Variants in UGT2B17 observed in about 807,000 individuals in gnomAD.
The protein encoded by UGT2B17 is UDP-glucuronosyltransferase 2B17.
Under a neutral mutation model 48.2 loss-of-function variants are expected in UGT2B17, and 21 were observed. The ratio of observed to expected loss-of-function variants is 0.44; its 90% CI spans 0.31 to 0.63. UGT2B17 has a LOEUF of 0.63. Ranked by LOEUF, UGT2B17 falls within the 20% of genes least tolerant of loss-of-function variation. The probability of loss-of-function intolerance (pLI) is 0.08; values close to 1 mark genes in which losing one functional copy is unlikely to be tolerated. For missense variants in UGT2B17, 402 were observed against 696.1 expected (o/e 0.58, Z 4.75); for synonymous variants, 146 against 238.4 (o/e 0.61, Z 3.57).
chr4:68,537,578 G>T lies in UGT2B17; in HGVS notation c.*47C>A. On this transcript the variant is annotated 3_prime_UTR_variant, in exon 7 of 7. Transcript: ENST00000317746. ...TTAAAACCCTCCATGCTGGAATAAA[G>T]GAGGAGTCCCATCTTTTGGTCATTC... is the stretch of plus-strand genomic sequence containing the variant. The T allele has an allele frequency of 7.8e-7, 1 of 1,279,826 alleles. No homozygotes were observed. Among genetic ancestry groups the T allele is most frequent in the Non-Finnish European group, 1.0e-6 (1 of 996,052 alleles). 79.3% of individuals were successfully genotyped at this position (1,279,826 alleles called of 1,614,324 possible).
rs1309191735 is a variant in UGT2B17, at chr4:68,572,114, G to A, written c.-64-3566C>T. 1.6e-5 allele frequency among the ~76,000 whole-genome samples: 2 copies of A among 125,742 alleles called. 1 individual carries two copies. The highest frequency in any genetic ancestry group is 3.4e-5 in the Non-Finnish European group (2 of 59,462). The allele number at this position is 125,742 out of a possible 152,430, so 82.5% of individuals were successfully genotyped here. Reference sequence around the variant, plus strand: ...AAGTAGTCTGAATGACACGAGACCAGTATTGACACATCTCACATAAATATG... The same window carrying A: ...AAGTAGTCTGAATGACACGAGACCAATATTGACACATCTCACATAAATATG... On this transcript the variant is annotated intron_variant, in intron 1 of 6. Transcript: ENST00000317746.
rs1329575925 is a variant in UGT2B17 at position 68,548,075 on chromosome 4, G to T, written c.1313+2602C>A. 2.4e-5 allele frequency among the ~76,000 whole-genome samples: 3 copies of T among 126,786 alleles called. 1 individual carries two copies. Among genetic ancestry groups the T allele is most frequent in the African/African-American group, 5.4e-5 (2 of 37,110 alleles). 83.2% of individuals were successfully genotyped at this position (126,786 alleles called of 152,430 possible). A position where few individuals can be genotyped will look rare whatever the true frequency, so the allele number is the denominator to read the frequency against. ...ATTTATCTAGCATTCCCATTACTGG[G>T]TATATACCCAAAGGGTTATAAATCA... On this transcript the variant is annotated intron_variant, in intron 6 of 6. Transcript: ENST00000317746.
At position 68,537,638 on chromosome 4, in the gene UGT2B17, T is replaced by G; in HGVS notation, c.1580A>C (p.Lys527Thr). 2 of 1,372,370 alleles carry G rather than the reference T, an allele frequency of 1.5e-6. 1 individual carries two copies. The highest frequency in any genetic ancestry group is 1.9e-6 in the Non-Finnish European group (2 of 1,050,554). The allele number at this position is 1,372,370 out of a possible 1,614,324, so 85.0% of individuals were successfully genotyped here. The change falls in exon 7 of 7, where the codon AAG (lysine) becomes ACG (threonine). Residue 527 changes from lysine (K) to threonine (T), a missense_variant. This residue lies in a region of UGT2B17 where 156 missense variants were observed against 258.6 expected (regional missense o/e 0.60). Transcript: ENST00000317746. ...CTTTTGATATAACTAATCCCTTTTC[T>G]TCTTCTTTCCTGTTTTGGCAAGCTT... ...FRKLAKTGKK[K>T]KRD
intron 1 of UGT2B17, among the ~76,000 whole-genome samples, chr4:68,571,199 G>T (rs545399739): frequency 1.6e-5 from 2 of 125,108 alleles, no homozygotes; most frequent in African/African-American, 5.5e-5. Flanking sequence ...TTTTTTCAGG[G>T]GGCTATTTAT....
Position 68,576,223 on chromosome 4 carries a change from G to C in UGT2B17, c.-337C>G, listed in dbSNP as rs1454830531. On this transcript the variant is annotated 5_prime_UTR_variant, in exon 1 of 7. Transcript: ENST00000317746. ...GGTCAGGGAGCCAAGAAATGTAGCA[G>C]GACGAGCCACAGACAAAACCTCTCA... is the stretch of plus-strand genomic sequence containing the variant. Among the ~76,000 whole-genome samples, 57 of 125,824 alleles carry C rather than the reference G, an allele frequency of 4.5e-4. 10 individuals are homozygous for C. Among genetic ancestry groups the C allele is most frequent in the African/African-American group, 1.5e-3 (55 of 36,676 alleles). 82.5% of individuals were successfully genotyped at this position (125,824 alleles called of 152,430 possible).
chr4:68,563,057 A>G (rs1432433396), intron 3 of UGT2B17, among the ~76,000 whole-genome samples: 2 of 127,128 alleles, frequency 1.6e-5, no homozygotes, highest in Non-Finnish European at 3.3e-5. Flanking sequence ...CTAATATTGA[A>G]TCTTACCATC....
chr4:68,562,327 C>G (rs1239949478), intron 3 of UGT2B17, among the ~76,000 whole-genome samples: 1 of 124,828 alleles, frequency 8.0e-6, no homozygotes, highest in African/African-American at 2.7e-5. Flanking sequence ...CTTGGCCAGA[C>G]TGGTCTTGAC....
rs1291751333 is a variant in UGT2B17, at chr4:68,555,654, A to T, written c.1006-3743T>A. Among the ~76,000 whole-genome samples the T allele has an allele frequency of 5.6e-5, 7 of 125,812 alleles. 1 individual carries two copies. The highest frequency in any genetic ancestry group is 1.6e-4 in the African/African-American group (6 of 37,010). 82.5% of individuals were successfully genotyped at this position (125,812 alleles called of 152,430 possible). A position where few individuals can be genotyped will look rare whatever the true frequency, so the allele number is the denominator to read the frequency against. On this transcript the variant is annotated intron_variant, in intron 4 of 6. Coordinates refer to ENST00000317746, the MANE Select transcript of UGT2B17 (RefSeq NM_001077.4). Reference sequence around the variant, plus strand: ...AATATTCTAGGTAAATGACTAAATAATTAGGTAAATGTAATGGGATAAATA... The same window carrying T: ...AATATTCTAGGTAAATGACTAAATATTTAGGTAAATGTAATGGGATAAATA...
chr4:68,567,798 A>T lies in UGT2B17; in HGVS notation c.687T>A (p.Asp229Glu), dbSNP rs764528569. Residue 229 changes from aspartate (D) to glutamate (E), a missense_variant, in exon 2 of 7, where the codon GAT (aspartate) becomes GAA (glutamate). Transcript: ENST00000317746. ...TATAAAACTGGTCCCACTTCTTCAGATCATATGCTTGAAACCAAAAGTCAA... is the reference window on the plus strand; with the variant it reads ...TATAAAACTGGTCCCACTTCTTCAGTTCATATGCTTGAAACCAAAAGTCAA... Reference protein sequence around the residue: ...LYFDFWFQAYDLKKWDQFYSE... With the variant: ...LYFDFWFQAYELKKWDQFYSE... The T allele has an allele frequency of 7.3e-7, 1 of 1,363,652 alleles. No homozygotes were observed. The highest frequency in any genetic ancestry group is 9.5e-7 in the Non-Finnish European group (1 of 1,048,950). 84.5% of individuals were successfully genotyped at this position (1,363,652 alleles called of 1,614,324 possible).
chr4:68,543,576 G>A (rs1243923035), intron 6 of UGT2B17, among the ~76,000 whole-genome samples: 1 of 126,002 alleles, frequency 7.9e-6, no homozygotes, highest in African/African-American at 2.7e-5. Context: ...GAACAAAGCT[G>A]GATGGAGAAT....
intron 3 of UGT2B17, among the ~76,000 whole-genome samples, chr4:68,562,667 G>A (rs1414546982): frequency 7.9e-6 from 1 of 125,978 alleles, no homozygotes; most frequent in Non-Finnish European, 1.7e-5. Context: ...GAAGATCAAT[G>A]TAAGTAGTCT....
rs1358167829 is a variant in UGT2B17 at position 68,563,213 on chromosome 4, A to C, written c.873+2359T>G. On this transcript the variant is annotated intron_variant, in intron 3 of 6. Transcript: ENST00000317746. The stretch of plus-strand genomic sequence containing the variant: ...TCTGAGAATCTAATACATAATGGAA[A>C]AGCAAGCAAATTTGTGGCAACAATT... Among the ~76,000 whole-genome samples the C allele has an allele frequency of 1.6e-5, 2 of 127,550 alleles. 1 individual carries two copies. Among genetic ancestry groups the C allele is most frequent in the African/African-American group, 5.3e-5 (2 of 37,400 alleles). 83.7% of individuals were successfully genotyped at this position (127,550 alleles called of 152,430 possible). A position where few individuals can be genotyped will look rare whatever the true frequency, so the allele number is the denominator to read the frequency against.
rs1206779596 is a variant in UGT2B17 at position 68,550,442 on chromosome 4, A to G, written c.1313+235T>C. Among the ~76,000 whole-genome samples, 22 of 125,482 alleles carry G rather than the reference A, an allele frequency of 1.8e-4. 6 individuals carry two copies. Among genetic ancestry groups the G allele is most frequent in the Admixed American group, 1.1e-3 (13 of 12,110 alleles). 82.3% of individuals were successfully genotyped at this position (125,482 alleles called of 152,430 possible). A position where few individuals can be genotyped will look rare whatever the true frequency, so the allele number is the denominator to read the frequency against. ...AAATATTTAAAATAATTATGTACAT[A>G]TCTTTAATTTTTTTGATTTTATAAT... is the stretch of plus-strand genomic sequence containing the variant. On this transcript the variant is annotated intron_variant, in intron 6 of 6. Coordinates refer to ENST00000317746, the MANE Select transcript of UGT2B17 (RefSeq NM_001077.4).
Position 68,568,317 on chromosome 4 carries a change from C to T in UGT2B17, c.168G>A (p.Leu56=), listed in dbSNP as rs373132457. The part of the protein sequence containing the change: ...LVQRGHEVIV[L]TSSASILVNA... The stretch of plus-strand genomic sequence containing the variant: ...TGACAAGAATAGAAGCCGAAGATGT[C>T]AACACAATCACCTCATGACCCCTCT... The change falls in exon 2 of 7, where the codon TTG becomes TTA. Residue 56 remains leucine (L), a synonymous_variant. Coordinates refer to ENST00000317746, the MANE Select transcript of UGT2B17 (RefSeq NM_001077.4). 69 of 1,378,668 alleles carry T rather than the reference C, an allele frequency of 5.0e-5. 18 individuals are homozygous for T. The highest frequency in any genetic ancestry group is 1.9e-4 in the African/African-American group (13 of 67,534). The allele number at this position is 1,378,668 out of a possible 1,614,324, so 85.4% of individuals were successfully genotyped here.
chr4:68,541,274 A>C (rs1287768321), intron 6 of UGT2B17, among the ~76,000 whole-genome samples: 1 of 125,912 alleles, frequency 7.9e-6, no homozygotes, highest in Admixed American at 8.1e-5. Context: ...AAAATGTAAA[A>C]GTTTTCCTAT....
chr4:68,546,031 T>C (rs1311262778), intron 6 of UGT2B17, among the ~76,000 whole-genome samples: 1 of 125,460 alleles, frequency 8.0e-6, no homozygotes, highest in Non-Finnish European at 1.7e-5. Flanking sequence ...CTGAAACTAT[T>C]CCAATCAACA....
rs1396022866 is a variant in UGT2B17, at chr4:68,576,020, C to T, written c.-134G>A. On this transcript the variant is annotated 5_prime_UTR_variant, in exon 1 of 7. In the 5' UTR this introduces an upstream ATG that the reference lacks. Coordinates refer to ENST00000317746, the MANE Select transcript of UGT2B17 (RefSeq NM_001077.4). ...GTTCAGCCACTGTGTTAATCCTCCA[C>T]GGGGGCCTGCTACGTGTTGATCTGG... Among the ~76,000 whole-genome samples, 7 of 126,196 alleles carry T rather than the reference C, an allele frequency of 5.5e-5. 2 individuals are homozygous for T. The highest frequency in any genetic ancestry group is 8.1e-5 in the African/African-American group (3 of 36,884). The allele number at this position is 126,196 out of a possible 152,430, so 82.8% of individuals were successfully genotyped here.
chr4:68,563,372 G>A (rs1269529255), intron 3 of UGT2B17, among the ~76,000 whole-genome samples: 1 of 127,226 alleles, frequency 7.9e-6, no homozygotes, highest in African/African-American at 2.7e-5. Context: ...CACTTTGGAA[G>A]GTTGAGGCAA....
rs1342049359 is a variant in UGT2B17 at position 68,552,611 on chromosome 4, A to G, written c.1006-700T>C. ...CTAAATTAACTGAGACCTGCCTCAG[A>G]TATTCAGGGTTCACATTTTGGTAAC... On this transcript the variant is annotated intron_variant, in intron 4 of 6. Coordinates refer to ENST00000317746, the MANE Select transcript of UGT2B17 (RefSeq NM_001077.4). Among the ~76,000 whole-genome samples the G allele has an allele frequency of 1.6e-5, 2 of 125,378 alleles. 1 individual carries two copies. The highest frequency in any genetic ancestry group is 1.5e-3 in the East Asian group (2 of 1,308). 82.3% of individuals were successfully genotyped at this position (125,378 alleles called of 152,430 possible).
Sources: allele counts gnomAD v4.1 joint callset (sites outside exome capture counted in the v4.1 genomes callset), GRCh38; gene constraint gnomAD v4.1.1; regional missense constraint gnomAD v4.1.1; transcripts MANE v1.5; gene names NCBI Gene and HGNC (gene_info 2026-07-23, HGNC 2026-07-21).